Variants in UBASH3B observed in about 807,000 individuals in gnomAD.
UBASH3B encodes the protein ubiquitin associated and SH3 domain containing B, also known as ubiquitin-associated and SH3 domain-containing protein B.
Under a neutral mutation model 83.4 loss-of-function variants are expected in UBASH3B, and 37 were observed. The ratio of observed to expected loss-of-function variants is 0.44; its 90% CI spans 0.34 to 0.58. The LOEUF (loss-of-function observed/expected upper bound fraction) is 0.58. UBASH3B is among the 20% of genes least tolerant of loss of function. The pLI, the probability that UBASH3B is intolerant of heterozygous loss-of-function variation, is 0.01. For synonymous variants in UBASH3B, 304 were observed against 318.3 expected (o/e 0.96, Z 0.48); for missense variants, 657 against 827.2 (o/e 0.79, Z 2.52).
Position 122,806,291 on chromosome 11 carries a change from A to G in UBASH3B, c.1596-119A>G, listed in dbSNP as rs911436222. 8.3e-6 allele frequency: 7 copies of G among 839,524 alleles called. No individual in the cohort carries two copies. Among genetic ancestry groups the G allele is most frequent in the African/African-American group, 1.8e-5 (1 of 57,140 alleles). The allele number at this position is 839,524 out of a possible 1,614,324, so 52.0% of individuals were successfully genotyped here. ...ACCTTTCTCCTTTCTAGGGAAATGG[A>G]TAAACAAACAGATCTACGGGATCTT... On this transcript the variant is annotated intron_variant, in intron 11 of 13. Transcript: ENST00000284273. The surrounding 1 kb of genome is among the most constrained non-coding windows in gnomAD (Gnocchi z 4.0).
intron 1 of UBASH3B, among the ~76,000 whole-genome samples, chr11:122,720,287 C>CT (rs1401471476): frequency 6.6e-6 from 1 of 152,208 alleles, no homozygotes; most frequent in Non-Finnish European, 1.5e-5. Flanking sequence ...TGGAGTCACC[C>CT]TTAGCGCCTC....
Position 122,812,140 on chromosome 11 carries a change from T to C in UBASH3B, c.*2254T>C, listed in dbSNP as rs1861459537. 6.6e-6 allele frequency: 1 copy of C among 152,234 alleles called. No homozygotes were observed. Among genetic ancestry groups the C allele is most frequent in the South Asian group, 2.1e-4 (1 of 4,838 alleles). 9.4% of individuals were successfully genotyped at this position (152,234 alleles called of 1,614,324 possible). On this transcript the variant is annotated 3_prime_UTR_variant, in exon 14 of 14. Coordinates refer to ENST00000284273, the MANE Select transcript of UBASH3B (RefSeq NM_032873.5). ...TCTTAGTCCAATATGGACACTGCCTTAGGCAATGGTCTATATAAGCAAAAG... is the reference window on the plus strand; with the variant it reads ...TCTTAGTCCAATATGGACACTGCCTCAGGCAATGGTCTATATAAGCAAAAG...
At chr11:122,707,710 T>C (rs1254081859) in intron 1 of UBASH3B, among the ~76,000 whole-genome samples, 1 of 152,010 alleles carries the variant, frequency 6.6e-6, no homozygotes, top group Non-Finnish European at 1.5e-5. Flanking sequence ...ATTTATTTAT[T>C]TTTTTTGAGA....
At chr11:122,796,887 C>G (rs1158187490) in intron 8 of UBASH3B, 24 bp from the exon 9 acceptor site, 1 of 1,614,138 alleles carries the variant, frequency 6.2e-7, no homozygotes, top group Non-Finnish European at 8.5e-7. Flanking sequence ...TATGTATCCT[C>G]TGTCTAACCT....
At chr11:122,707,896 T>A (rs957734509) in intron 1 of UBASH3B, among the ~76,000 whole-genome samples, 1 of 152,180 alleles carries the variant, frequency 6.6e-6, no homozygotes, top group Non-Finnish European at 1.5e-5. Context: ...GGTTTCACCA[T>A]ATTGGCCAGG....
intron 1 of UBASH3B, among the ~76,000 whole-genome samples, chr11:122,717,709 C>T (rs1222797575): frequency 6.6e-6 from 1 of 152,122 alleles, no homozygotes; most frequent in African/African-American, 2.4e-5. Flanking sequence ...CCAAGTTTCT[C>T]GTTGTTCTCC....
At chr11:122,763,485 A>T (rs1046704569) in intron 1 of UBASH3B, among the ~76,000 whole-genome samples, 3 of 152,182 alleles carry the variant, frequency 2.0e-5, no homozygotes, top group African/African-American at 7.2e-5. Context: ...CCTCCCCCAC[A>T]GGTTGGAGGC....
At position 122,806,847 on chromosome 11, in the gene UBASH3B, G is replaced by A. The variant is rs1293887394; in HGVS notation, c.1702+331G>A. 6.6e-6 allele frequency among the ~76,000 whole-genome samples: 1 copy of A among 151,958 alleles called. No individual in the cohort carries two copies. The highest frequency in any genetic ancestry group is 1.5e-5 in the Non-Finnish European group (1 of 68,024). On this transcript the variant is annotated intron_variant, in intron 12 of 13. Coordinates refer to ENST00000284273, the MANE Select transcript of UBASH3B (RefSeq NM_032873.5). The surrounding 1 kb of genome is among the most constrained non-coding windows in gnomAD (Gnocchi z 4.0). ...CTGTTTTGCCTATAATTGATGCAGC[G>A]GCATGCACACCTACACACAGCACAC...
chr11:122,783,344 G>C (rs1860891525), intron 5 of UBASH3B, 122 bp downstream of exon 5: 5 of 1,205,990 alleles, frequency 4.1e-6, no homozygotes, highest in Non-Finnish European at 5.7e-6. Context: ...CTAACAGAGA[G>C]TCCGTTGGCT....
At chr11:122,713,653 T>TG (rs1484206726) in intron 1 of UBASH3B, among the ~76,000 whole-genome samples, 2 of 151,592 alleles carry the variant, frequency 1.3e-5, no homozygotes, top group African/African-American at 2.4e-5. Flanking sequence ...TATTTTATTT[T>TG]GGGGGCCCTA....
At chr11:122,724,480 C>T (rs1462683946) in intron 1 of UBASH3B, among the ~76,000 whole-genome samples, 1 of 152,138 alleles carries the variant, frequency 6.6e-6, no homozygotes, top group Non-Finnish European at 1.5e-5. Flanking sequence ...GGGAGACAGG[C>T]ATGAAAACAG....
chr11:122,715,712 A>T (rs1366920225), intron 1 of UBASH3B, among the ~76,000 whole-genome samples: 1 of 152,184 alleles, frequency 6.6e-6, no homozygotes, highest in Non-Finnish European at 1.5e-5. Context: ...GATAATTAAA[A>T]AACCAAAATC....
rs568564848 is a variant in UBASH3B, at chr11:122,662,972, C to CTTTTTTT, written c.161+6778_161+6784dup. Among the ~76,000 whole-genome samples the CTTTTTTT allele has an allele frequency of 9.6e-3, 1,061 of 110,562 alleles. 58 individuals are homozygous for CTTTTTTT. The highest frequency in any genetic ancestry group is 0.067 in the East Asian group (239 of 3,564). 72.5% of individuals were successfully genotyped at this position (110,562 alleles called of 152,430 possible). On this transcript the variant is annotated intron_variant, in intron 1 of 13. Coordinates refer to ENST00000284273, the MANE Select transcript of UBASH3B (RefSeq NM_032873.5). The stretch of plus-strand genomic sequence containing the variant: ...AAAATTCCCTCTTACGCGCTAATGT[C>CTTTTTTT]TTTTTTTTTTTTTTTTTTTTTTGAG...
intron 1 of UBASH3B, among the ~76,000 whole-genome samples, chr11:122,676,499 C>G (rs1375679499): frequency 1.3e-5 from 2 of 152,092 alleles, no homozygotes; most frequent in Non-Finnish European, 1.5e-5. Context: ...CGAGATTGCG[C>G]CAGTGCACTC....
intron 1 of UBASH3B, among the ~76,000 whole-genome samples, chr11:122,760,545 T>C (rs1016393954): frequency 6.6e-6 from 1 of 152,108 alleles, no homozygotes; most frequent in Non-Finnish European, 1.5e-5. Flanking sequence ...GTATTTTTAG[T>C]AGAGACGGGG....
At chr11:122,720,708 C>G (rs987225096) in intron 1 of UBASH3B, among the ~76,000 whole-genome samples, 1 of 152,152 alleles carries the variant, frequency 6.6e-6, no homozygotes, top group Non-Finnish European at 1.5e-5. Context: ...TCCAGGAAGG[C>G]TCTTCACACA....
chr11:122,776,339 G>A (rs1860734198), intron 2 of UBASH3B, 67 bp downstream of exon 2: 1 of 1,445,450 alleles, frequency 6.9e-7, no homozygotes, highest in Non-Finnish European at 9.5e-7. Flanking sequence ...TGGATGAGTG[G>A]GGAGGTGCAG....
chr11:122,796,084 C>T, intron 7 of UBASH3B, 72 bp from the exon 8 acceptor site: 1 of 1,586,438 alleles, frequency 6.3e-7, no homozygotes. Flanking sequence ...GCTCAGCTCA[C>T]CTGGCACCTG....
At chr11:122,749,013 GA>G (rs1861162753) in intron 1 of UBASH3B, among the ~76,000 whole-genome samples, 1 of 152,178 alleles carries the variant, frequency 6.6e-6, no homozygotes, top group African/African-American at 2.4e-5. Context: ...GACAGTCCAC[GA>G]CAGCTTTATG....
Sources: allele counts gnomAD v4.1 joint callset (sites outside exome capture counted in the v4.1 genomes callset), GRCh38; gene constraint gnomAD v4.1.1; non-coding constraint Gnocchi (gnomAD v3.1); transcripts MANE v1.5; gene names NCBI Gene and HGNC (gene_info 2026-07-23, HGNC 2026-07-21).